The following PLEKHM3 variants were observed in gnomAD, a reference collection of about 807,000 sequenced individuals.
The protein encoded by PLEKHM3 is pleckstrin homology domain containing M3.
Under a neutral mutation model 81.8 loss-of-function variants are expected in PLEKHM3, and 45 were observed. The ratio of observed to expected loss-of-function variants is 0.55; its 90% CI spans 0.43 to 0.71. The LOEUF (loss-of-function observed/expected upper bound fraction) is 0.71, where lower values mean the gene tolerates loss of function less well. PLEKHM3 is among the 30% of genes least tolerant of loss of function. PLEKHM3 has a pLI of 0.00. For synonymous variants in PLEKHM3, 352 were observed against 356.4 expected, an observed-to-expected ratio of 0.99 and a Z score of 0.14; for missense variants, 788 against 924.3, an observed-to-expected ratio of 0.85 and a Z score of 1.91.
intron 3 of PLEKHM3, among the ~76,000 whole-genome samples, chr2:207,975,041 G>A (rs1469422357): frequency 2.6e-5 from 4 of 151,898 alleles, no homozygotes; most frequent in Non-Finnish European, 4.4e-5. Context: ...TATTGGCCAG[G>A]CTGGTCTCGA....
chr2:207,975,063 T>C (rs1229455020), intron 3 of PLEKHM3, among the ~76,000 whole-genome samples: 4 of 151,950 alleles, frequency 2.6e-5, no homozygotes, highest in Non-Finnish European at 5.9e-5. Flanking sequence ...CTCCTGACCT[T>C]GTGATCCGCC....
At chr2:207,931,254 T>C in intron 4 of PLEKHM3, 135 bp from the exon 5 acceptor site, 1 of 840,318 alleles carries the variant, frequency 1.2e-6, no homozygotes, top group South Asian at 2.1e-5. Flanking sequence ...AAGTCTGTAG[T>C]TGAATTAAAT....
chr2:207,861,184 A>C lies in PLEKHM3; in HGVS notation c.2029T>G (p.Cys677Gly). 1 of 1,614,192 alleles carries C rather than the reference A, an allele frequency of 6.2e-7. No homozygotes were observed. The highest frequency in any genetic ancestry group is 8.5e-7 in the Non-Finnish European group (1 of 1,180,012). ...ATSHVYSCSL[C>G]SQKGFICEIC... ...TCACAGATGAACCCCTTCTGGCTAC[A>C]AAGACTGCAGCTGTACACGTGTGAG... Residue 677 changes from cysteine (C) to glycine (G), a missense_variant, in exon 7 of 8, where the codon TGT (cysteine) becomes GGT (glycine). Coordinates refer to ENST00000427836, the MANE Select transcript of PLEKHM3 (RefSeq NM_001080475.3).
intron 7 of PLEKHM3, among the ~76,000 whole-genome samples, chr2:207,849,195 A>C (rs1437914885): frequency 1.3e-5 from 2 of 152,110 alleles, no homozygotes; most frequent in Non-Finnish European, 2.9e-5. Context: ...CTAGCCGGGC[A>C]TGGTGGTGCA....
At chr2:207,912,349 A>C (rs1476538192) in intron 5 of PLEKHM3, among the ~76,000 whole-genome samples, 1 of 152,192 alleles carries the variant, frequency 6.6e-6, no homozygotes, top group Non-Finnish European at 1.5e-5. Context: ...CTTTTATATG[A>C]GATTCTAAGC....
intron 7 of PLEKHM3, among the ~76,000 whole-genome samples, chr2:207,832,840 G>C (rs369541081): frequency 7.4e-6 from 1 of 135,048 alleles, no homozygotes; most frequent in African/African-American, 2.8e-5. Context: ...GGCTGGGTGC[G>C]GTGGCTCATG....
intron 6 of PLEKHM3, among the ~76,000 whole-genome samples, chr2:207,892,462 G>C (rs879842910): frequency 6.6e-6 from 1 of 152,140 alleles, no homozygotes; most frequent in African/African-American, 2.4e-5. Context: ...TTGCAGTTGA[G>C]ACAATAAGCT....
At chr2:207,947,553 C>T (rs1258765731) in intron 3 of PLEKHM3, among the ~76,000 whole-genome samples, 1 of 152,216 alleles carries the variant, frequency 6.6e-6, no homozygotes, top group Admixed American at 6.5e-5. Flanking sequence ...CAAACAGCAT[C>T]ATTAATCTGA....
In PLEKHM3 at chr2:207,833,494, GT is replaced by G. The variant is rs111325316; in HGVS notation, c.2109-4999del. 2.9e-3 allele frequency among the ~76,000 whole-genome samples: 434 copies of G among 147,300 alleles called. 2 individuals are homozygous for G. Among genetic ancestry groups the G allele is most frequent in the African/African-American group, 9.9e-3 (402 of 40,520 alleles). Reference sequence around the variant, plus strand: ...CCAAAGTCATCCAATGGGTTTTTCTGTTTTTTTTTTTCTTGAAAACATTCAT... The same window carrying G: ...CCAAAGTCATCCAATGGGTTTTTCTGTTTTTTTTTTCTTGAAAACATTCAT... On this transcript the variant is annotated intron_variant, in intron 7 of 7. Coordinates refer to ENST00000427836, the MANE Select transcript of PLEKHM3 (RefSeq NM_001080475.3).
intron 7 of PLEKHM3, among the ~76,000 whole-genome samples, chr2:207,834,124 CTCTT>C (rs763136702): frequency 2.4e-5 from 3 of 126,044 alleles, no homozygotes; most frequent in Middle Eastern, 3.9e-3. Flanking sequence ...TCTGATTTTT[CTCTT>C]TCTTTTTTTT....
chr2:207,851,300 T>C (rs1222014266), intron 7 of PLEKHM3: 2 of 152,206 alleles, frequency 1.3e-5, no homozygotes, highest in East Asian at 3.8e-4. Context: ...TGTGCTTTCC[T>C]TGTAGTCCTC....
chr2:207,855,238 C>T (rs1456261167), intron 7 of PLEKHM3, among the ~76,000 whole-genome samples: 1 of 152,064 alleles, frequency 6.6e-6, no homozygotes, highest in Non-Finnish European at 1.5e-5. Flanking sequence ...CCAAAAACAA[C>T]TCCCCCCAGC....
chr2:207,847,983 C>T (rs958276295), intron 7 of PLEKHM3, among the ~76,000 whole-genome samples: 5 of 152,202 alleles, frequency 3.3e-5, no homozygotes, highest in African/African-American at 7.2e-5. Context: ...ATTAGGTGCC[C>T]TGACAGTGTT....
chr2:207,923,884 T>C (rs6712791), intron 5 of PLEKHM3, among the ~76,000 whole-genome samples: 3,092 of 45,578 alleles, frequency 0.068, 137 homozygotes, highest in East Asian at 0.1. Flanking sequence ...CACACACATA[T>C]ATATATATAT....
intron 2 of PLEKHM3, among the ~76,000 whole-genome samples, chr2:207,991,963 C>T (rs1038167964): frequency 1.2e-4 from 18 of 152,194 alleles, no homozygotes; most frequent in African/African-American, 4.1e-4. Flanking sequence ...ATTTGTGCCA[C>T]TTTTGGTTGA....
intron 6 of PLEKHM3, among the ~76,000 whole-genome samples, chr2:207,870,676 G>A (rs1229498177): frequency 6.6e-6 from 1 of 152,240 alleles, no homozygotes; most frequent in South Asian, 2.1e-4. Context: ...GCCTTGGCCA[G>A]GTGAGTTCAT....
chr2:207,845,967 T>C (rs2092379625), intron 7 of PLEKHM3, among the ~76,000 whole-genome samples: 1 of 152,064 alleles, frequency 6.6e-6, no homozygotes, highest in African/African-American at 2.4e-5. Flanking sequence ...CAAACACAAA[T>C]ACAAAATGCT....
At position 207,828,376 on chromosome 2, in the gene PLEKHM3, C is replaced by T. The variant is rs1305846350; in HGVS notation, c.2229G>A (p.Met743Ile). ...TGCAAGCCTCCTCTAGACTCTCGTC[C>T]ATGTTCAGTCTCTGCCAGAAAGACT... ...KQKSFWQRLN[M>I]DESLEEACTM... Residue 743 changes from methionine to isoleucine, a missense_variant, in exon 8 of 8, where the codon ATG (methionine) becomes ATA (isoleucine). Transcript: ENST00000427836. 6.2e-7 allele frequency: 1 copy of T among 1,613,952 alleles called. No individual in the cohort carries two copies. The highest frequency in any genetic ancestry group is 8.5e-7 in the Non-Finnish European group (1 of 1,180,022).
In PLEKHM3 at chr2:208,007,063, GT is replaced by G. The variant is rs1268017482; in HGVS notation, c.-318-5107del. 5.9e-5 allele frequency among the ~76,000 whole-genome samples: 9 copies of G among 152,306 alleles called. No homozygotes were observed. In the East Asian group the frequency reaches 1.7e-3, roughly 29 times the overall value. ...ATGCTGTGTCCTCCTGAGCTGGACG[GT>G]AAAAGCGCTGACTTCCTCCCTCTTA... is the stretch of plus-strand genomic sequence containing the variant. On this transcript the variant is annotated intron_variant, in intron 1 of 7. Coordinates refer to ENST00000427836, the MANE Select transcript of PLEKHM3 (RefSeq NM_001080475.3).
Sources: gnomAD v4.1 joint callset for allele counts (sites outside exome capture counted in the v4.1 genomes callset) on GRCh38, gnomAD v4.1.1 for gene constraint, MANE v1.5 for transcripts, NCBI Gene and HGNC (gene_info 2026-07-23, HGNC 2026-07-21) for gene names.